ROBO1: variants seen among roughly 807,000 people sequenced by gnomAD.
The protein encoded by ROBO1 is roundabout guidance receptor 1.
A neutral mutation model predicts 195.9 loss-of-function variants in ROBO1; 149 were observed. The ratio of observed to expected loss-of-function variants is 0.76; its 90% CI spans 0.67 to 0.87. ROBO1 has a LOEUF of 0.87. ROBO1 is among the 40% of genes least tolerant of loss of function. The pLI is 0.00. For synonymous variants in ROBO1, 816 were observed against 733.2 expected (o/e 1.11, Z -1.82); for missense variants, 1,933 against 2,068.3 (o/e 0.93, Z 1.27).
At chr3:79,537,118 T>TA (rs1381745980) in intron 2 of ROBO1, among the ~76,000 whole-genome samples, 4 of 152,046 alleles carry the variant, frequency 2.6e-5, no homozygotes, top group African/African-American at 9.7e-5. Context: ...TTTTTATTTT[T>TA]TTTTTGACTC....
At chr3:78,686,361 C>G (rs2081051979) in intron 9 of ROBO1, among the ~76,000 whole-genome samples, 1 of 151,954 alleles carries the variant, frequency 6.6e-6, no homozygotes, top group East Asian at 1.9e-4. Context: ...TCGAGACCAT[C>G]CTGGCTAACA....
At chr3:78,952,989 G>T (rs747678761) in intron 3 of ROBO1, among the ~76,000 whole-genome samples, 1 of 152,048 alleles carries the variant, frequency 6.6e-6, no homozygotes, top group African/African-American at 2.4e-5. Context: ...AGGAGTGAAT[G>T]CCTGGTGTTT....
At chr3:78,718,325 A>C in intron 5 of ROBO1, among the ~76,000 whole-genome samples, 1 of 152,204 alleles carries the variant, frequency 6.6e-6, no homozygotes, top group East Asian at 1.9e-4. Flanking sequence ...TTCTAGCATT[A>C]TATGAATTAA....
intron 2 of ROBO1, among the ~76,000 whole-genome samples, chr3:79,183,053 C>T (rs1037895169): frequency 2.0e-4 from 29 of 142,816 alleles, no homozygotes; most frequent in Non-Finnish European, 3.7e-4. Flanking sequence ...TGCACTCTAG[C>T]CTGGGTGACA....
chr3:79,037,188 T>C (rs2078395971), intron 3 of ROBO1, among the ~76,000 whole-genome samples: 1 of 152,212 alleles, frequency 6.6e-6, no homozygotes, highest in Non-Finnish European at 1.5e-5. Context: ...ACAAAATTTA[T>C]TGATGCTTTC....
At chr3:79,618,683 C>T (rs899949714) in intron 1 of ROBO1, among the ~76,000 whole-genome samples, 1 of 152,142 alleles carries the variant, frequency 6.6e-6, no homozygotes, top group Non-Finnish European at 1.5e-5. Context: ...TTTTTGCTCA[C>T]AGAAAGCCTG....
chr3:78,632,365 G>A (rs1705235797), intron 24 of ROBO1, among the ~76,000 whole-genome samples: 1 of 152,150 alleles, frequency 6.6e-6, no homozygotes, highest in African/African-American at 2.4e-5. Context: ...CTAAGCGTGG[G>A]CTAGGGACAG....
intron 8 of ROBO1, among the ~76,000 whole-genome samples, chr3:78,691,075 G>C (rs2081162713): frequency 6.6e-6 from 1 of 152,204 alleles, no homozygotes; most frequent in East Asian, 1.9e-4. Context: ...ACATGTCTTA[G>C]AAACATAACT....
intron 1 of ROBO1, among the ~76,000 whole-genome samples, chr3:79,628,605 A>T (rs1048810123): frequency 3.9e-5 from 6 of 152,176 alleles, no homozygotes; most frequent in African/African-American, 1.4e-4. Flanking sequence ...AGTTTTTAGA[A>T]GAAATAAGAA....
intron 2 of ROBO1, among the ~76,000 whole-genome samples, chr3:79,279,750 T>C (rs1014157242): frequency 6.6e-6 from 1 of 152,224 alleles, no homozygotes; most frequent in African/African-American, 2.4e-5. Flanking sequence ...TTCATTCTTC[T>C]GTGATGTGAT....
intron 4 of ROBO1, among the ~76,000 whole-genome samples, chr3:78,866,057 T>G (rs1450250854): frequency 6.6e-6 from 1 of 152,196 alleles, no homozygotes; most frequent in East Asian, 1.9e-4. Context: ...TTGGAAAATC[T>G]GTCTCATGTT....
At chr3:78,876,481 T>A (rs1003686172) in intron 4 of ROBO1, among the ~76,000 whole-genome samples, 2 of 152,142 alleles carry the variant, frequency 1.3e-5, no homozygotes, top group Non-Finnish European at 2.9e-5. Context: ...TAGTAAAAAA[T>A]TAGCATTTGG....
chr3:79,328,818 A>G lies in ROBO1; in HGVS notation c.89-203279T>C, dbSNP rs148094158. ...ACCCCCCTCCCATCTTTCACCCAGAATTCCCAAAGTCTATTGTATCATTCT... is the reference window on the plus strand; with the variant it reads ...ACCCCCCTCCCATCTTTCACCCAGAGTTCCCAAAGTCTATTGTATCATTCT... On this transcript the variant is annotated intron_variant, in intron 2 of 30. Coordinates refer to ENST00000464233, the MANE Select transcript of ROBO1 (RefSeq NM_002941.4). Among the ~76,000 whole-genome samples, 228 of 152,112 alleles carry G rather than the reference A, an allele frequency of 1.5e-3. 4 individuals are homozygous for G. The East Asian group carries it at 0.033, about 22-fold the overall frequency.
At chr3:78,960,385 G>A (rs1043142546) in intron 3 of ROBO1, among the ~76,000 whole-genome samples, 3 of 149,396 alleles carry the variant, frequency 2.0e-5, no homozygotes, top group Non-Finnish European at 4.4e-5. Context: ...ATAGCAATAT[G>A]TATTTGTAAT....
intron 1 of ROBO1, among the ~76,000 whole-genome samples, chr3:79,699,563 G>A (rs1947552963): frequency 6.6e-6 from 1 of 151,590 alleles, no homozygotes; most frequent in Non-Finnish European, 1.5e-5. Context: ...CACCTACCAG[G>A]GGTACAATTT....
In ROBO1 at chr3:78,790,942, C is replaced by A. The variant is rs185868465; in HGVS notation, c.500-44042G>T. 3.7e-3 allele frequency among the ~76,000 whole-genome samples: 560 copies of A among 152,268 alleles called. 2 individuals carry two copies. In the Middle Eastern group the frequency reaches 0.044, roughly 12 times the overall value. ...GTAGTCCCCCCATCAGACTTGTCTT[C>A]ATATTTCATTGCAAGGAAGGGGTCA... On this transcript the variant is annotated intron_variant, in intron 4 of 30. Coordinates refer to ENST00000464233, the MANE Select transcript of ROBO1 (RefSeq NM_002941.4).
intron 2 of ROBO1, among the ~76,000 whole-genome samples, chr3:79,303,354 C>T (rs6785230): frequency 0.1 from 15,146 of 151,696 alleles, 815 homozygotes; most frequent in Middle Eastern, 0.14. Context: ...TTAGCAGAGA[C>T]GGGGTTTCGC....
At chr3:78,892,400 T>C (rs1356989760) in intron 4 of ROBO1, among the ~76,000 whole-genome samples, 2 of 152,102 alleles carry the variant, frequency 1.3e-5, no homozygotes, top group Non-Finnish European at 2.9e-5. Context: ...CTGGAAGAAA[T>C]ACCTGGTGTG....
At chr3:79,151,459 C>T (rs550000649) in intron 2 of ROBO1, among the ~76,000 whole-genome samples, 27 of 151,844 alleles carry the variant, frequency 1.8e-4, no homozygotes, top group African/African-American at 4.8e-4. Context: ...CACTATCTAT[C>T]ACTTCTTAAT....
Sources: gnomAD v4.1 joint callset for allele counts (sites outside exome capture counted in the v4.1 genomes callset) on GRCh38, gnomAD v4.1.1 for gene constraint, MANE v1.5 for transcripts, NCBI Gene and HGNC (gene_info 2026-07-23, HGNC 2026-07-21) for gene names.